INSR: variants seen among roughly 807,000 people sequenced by gnomAD.
INSR encodes IR.
In INSR, 67 loss-of-function variants were observed where a neutral mutation model predicts 142.6. That is an observed-to-expected ratio of 0.47 (90% CI 0.39 to 0.58). INSR has a LOEUF of 0.58. Among genes scored for constraint, INSR ranks in the 20% least tolerant of loss-of-function variants. INSR has a pLI of 0.00. For synonymous variants in INSR, 756 were observed against 743.1 expected, an observed-to-expected ratio of 1.02 and a Z score of -0.28; for missense variants, 1,248 against 1,833.2, an observed-to-expected ratio of 0.68 and a Z score of 5.83.
At chr19:7,136,778 AT>A (rs1972936811) in intron 13 of INSR, among the ~76,000 whole-genome samples, 1 of 150,740 alleles carries the variant, frequency 6.6e-6, no homozygotes, top group South Asian at 2.1e-4. Context: ...ATTACCTAGC[AT>A]TGCTTTGATC....
rs57156578 is a variant in INSR at position 7,166,032 on chromosome 19, TAA to T, written c.1861+120_1861+121del. The T allele has an allele frequency of 9.7e-3, 9,236 of 950,320 alleles. No homozygotes were observed. Among genetic ancestry groups the T allele is most frequent in the East Asian group, 0.018 (624 of 34,366 alleles). 58.9% of individuals were successfully genotyped at this position (950,320 alleles called of 1,614,324 possible). ...CTGGGTGACAAAGTAAGACCCTGTC[TAA>T]AAAAAAAAAAAAAGCCAATAACCAT... is the stretch of plus-strand genomic sequence containing the variant. On this transcript the variant is annotated intron_variant, in intron 8 of 21. Coordinates refer to ENST00000302850, the MANE Select transcript of INSR (RefSeq NM_000208.4). This position sits in a 1 kb window ranked among gnomAD's most constrained non-coding sequence, Gnocchi z 4.1.
intron 2 of INSR, among the ~76,000 whole-genome samples, chr19:7,188,134 C>G (rs926390938): frequency 6.6e-6 from 1 of 152,176 alleles, no homozygotes; most frequent in African/African-American, 2.4e-5. Flanking sequence ...CCTTTGCATC[C>G]TTCAGGTCCT....
At position 7,186,118 on chromosome 19, in the gene INSR, C is replaced by T. The variant is rs185262985; in HGVS notation, c.653-1481G>A. Among the ~76,000 whole-genome samples the T allele has an allele frequency of 4.1e-3, 630 of 152,168 alleles. 7 individuals carry two copies. Among genetic ancestry groups the T allele is most frequent in the African/African-American group, 0.014 (594 of 41,514 alleles). The stretch of plus-strand genomic sequence containing the variant: ...GGCTGAGGCAGGAGAATCGCTTGAA[C>T]CTGGGAGGGGAGGTTGCAGGGAGCC... On this transcript the variant is annotated intron_variant, in intron 2 of 21. Coordinates refer to ENST00000302850, the MANE Select transcript of INSR (RefSeq NM_000208.4).
chr19:7,135,606 G>A (rs887432791), intron 13 of INSR, among the ~76,000 whole-genome samples: 6 of 151,372 alleles, frequency 4.0e-5, no homozygotes, highest in Non-Finnish European at 7.4e-5. Flanking sequence ...TTTTTTTAAC[G>A]GGAGATACTG....
chr19:7,228,565 A>G (rs1975856975), intron 2 of INSR, among the ~76,000 whole-genome samples: 1 of 152,220 alleles, frequency 6.6e-6, no homozygotes, highest in East Asian at 1.9e-4. Flanking sequence ...CTGCCATAAC[A>G]AGGTTAACAG....
chr19:7,153,332 C>CATA (rs1973479512), intron 9 of INSR, among the ~76,000 whole-genome samples: 1 of 5,904 alleles, frequency 1.7e-4, no homozygotes, highest in Admixed American at 1.8e-3. Flanking sequence ...CCACACACAC[C>CATA]CACGCCACAC....
chr19:7,215,692 C>T (rs1014109929), intron 2 of INSR, among the ~76,000 whole-genome samples: 24 of 151,930 alleles, frequency 1.6e-4, no homozygotes, highest in African/African-American at 5.8e-4. Context: ...CTCAGTCTCC[C>T]GAGTAGCTTG....
rs34590794 is a variant in INSR at position 7,288,950 on chromosome 19, G to GA, written c.100+4841dup. ...TGCACACCAGCCCGGGTGAAGAAGT[G>GA]AAAAAAAAAAAAAAAAAAAAGTGAG... On this transcript the variant is annotated intron_variant, in intron 1 of 21. Coordinates refer to ENST00000302850, the MANE Select transcript of INSR (RefSeq NM_000208.4). 4.7e-3 allele frequency among the ~76,000 whole-genome samples: 414 copies of GA among 88,622 alleles called. 2 individuals are homozygous for GA. Among genetic ancestry groups the GA allele is most frequent in the South Asian group, 7.6e-3 (18 of 2,368 alleles). 58.1% of individuals were successfully genotyped at this position (88,622 alleles called of 152,430 possible). A position where few individuals can be genotyped will look rare whatever the true frequency, so the allele number is the denominator to read the frequency against.
rs1280014279 is a variant in INSR, at chr19:7,117,167, C to T, written c.4038G>A (p.Gly1346=). The part of the protein sequence containing the change: ...QREEAGGRDG[G]SSLGFKRSYE... ...AGCTCCGCTTGAAACCCAGCGAGGACCCTCCATCCCGGCCCCCCGCCTCCT... is the reference window on the plus strand; with the variant it reads ...AGCTCCGCTTGAAACCCAGCGAGGATCCTCCATCCCGGCCCCCCGCCTCCT... Residue 1346 remains glycine (G), a synonymous_variant, in exon 22 of 22, where the codon GGG becomes GGA. Coordinates refer to ENST00000302850, the MANE Select transcript of INSR (RefSeq NM_000208.4). The T allele has an allele frequency of 1.9e-6, 3 of 1,614,082 alleles. No homozygotes were observed. The highest frequency in any genetic ancestry group is 1.6e-4 in the Middle Eastern group (1 of 6,062).
At chr19:7,169,270 T>C (rs563774904) in intron 6 of INSR, among the ~76,000 whole-genome samples, 5 of 152,106 alleles carry the variant, frequency 3.3e-5, no homozygotes, top group African/African-American at 7.2e-5. Flanking sequence ...CACACGCTAT[T>C]GTCAAAAGGC....
chr19:7,124,812 A>G (rs1292027266), intron 17 of INSR, among the ~76,000 whole-genome samples: 1 of 150,428 alleles, frequency 6.6e-6, no homozygotes, highest in Non-Finnish European at 1.5e-5. Flanking sequence ...AAGGAGCAGA[A>G]AGGCAGGAAG....
intron 1 of INSR, chr19:7,268,309 G>A: frequency 2.2e-6 from 1 of 450,010 alleles, no homozygotes; most frequent in Non-Finnish European, 2.9e-6. Context: ...AATGGGGCAA[G>A]GAAAGCTAAA....
intron 1 of INSR, 78 bp downstream of exon 1, chr19:7,293,714 G>T: frequency 8.4e-7 from 1 of 1,187,304 alleles, no homozygotes; most frequent in East Asian, 3.7e-5. Flanking sequence ...GTCCACAAGC[G>T]GGGGCTCGAT....
chr19:7,156,132 C>T (rs1973587135), intron 9 of INSR, among the ~76,000 whole-genome samples: 1 of 128,352 alleles, frequency 7.8e-6, no homozygotes, highest in African/African-American at 3.0e-5. Context: ...GTGATCTTGG[C>T]TCACTGCAGC....
intron 2 of INSR, among the ~76,000 whole-genome samples, chr19:7,186,602 C>T (rs1410296509): frequency 6.6e-6 from 1 of 152,162 alleles, no homozygotes; most frequent in African/African-American, 2.4e-5. Context: ...CCAGAACTTT[C>T]TCACCTTAAC....
Position 7,128,972 on chromosome 19 carries a change from A to T in INSR, c.2843-18T>A. Reference sequence around the variant, plus strand: ...GACGTCTACTGAAATAGAATAAGAAAATATATGTTTCATATCAATGTGTTT... The same window carrying T: ...GACGTCTACTGAAATAGAATAAGAATATATATGTTTCATATCAATGTGTTT... On this transcript the variant is annotated intron_variant, in intron 14 of 21. Coordinates refer to ENST00000302850, the MANE Select transcript of INSR (RefSeq NM_000208.4). The T allele has an allele frequency of 1.9e-6, 3 of 1,562,702 alleles. No individual in the cohort carries two copies. Among genetic ancestry groups the T allele is most frequent in the Non-Finnish European group, 2.6e-6 (3 of 1,133,264 alleles).
chr19:7,223,626 C>T (rs1040752554), intron 2 of INSR, among the ~76,000 whole-genome samples: 17 of 152,218 alleles, frequency 1.1e-4, no homozygotes, highest in African/African-American at 4.1e-4. Flanking sequence ...TGTGCTGCTT[C>T]TTCATTGAAC....
chr19:7,273,974 C>A (rs1221907140), intron 1 of INSR, among the ~76,000 whole-genome samples: 1 of 151,746 alleles, frequency 6.6e-6, no homozygotes, highest in Non-Finnish European at 1.5e-5. Context: ...GCCTAAGTAA[C>A]AAAGCAAGAC....
chr19:7,234,233 GTCTT>G (rs1976087818), intron 2 of INSR, among the ~76,000 whole-genome samples: 1 of 151,872 alleles, frequency 6.6e-6, no homozygotes, highest in African/African-American at 2.4e-5. Flanking sequence ...TGGAAATGGG[GTCTT>G]TCTTTGTTGC....
Sources: gnomAD v4.1 joint callset for allele counts (sites outside exome capture counted in the v4.1 genomes callset) on GRCh38, gnomAD v4.1.1 for gene constraint, Gnocchi (gnomAD v3.1) non-coding constraint, MANE v1.5 for transcripts, NCBI Gene and HGNC (gene_info 2026-07-23, HGNC 2026-07-21) for gene names.